DCLK1: variants seen among roughly 807,000 people sequenced by gnomAD.
The protein encoded by DCLK1 is serine/threonine-protein kinase DCLK1.
In DCLK1, 16 loss-of-function variants were observed where a neutral mutation model predicts 86.2. That is an observed-to-expected ratio of 0.19 (90% CI 0.13 to 0.28). The LOEUF (loss-of-function observed/expected upper bound fraction) is 0.28, where lower values mean the gene tolerates loss of function less well. Ranked by LOEUF, DCLK1 falls within the 10% of genes least tolerant of loss-of-function variation. The pLI is 1.00. For missense variants in DCLK1, 590 were observed against 940.2 expected (o/e 0.63, Z 4.87); for synonymous variants, 369 against 370.5 (o/e 1.00, Z 0.05).
At chr13:35,908,990 G>A (rs1192056819) in intron 4 of DCLK1, among the ~76,000 whole-genome samples, 1 of 152,166 alleles carries the variant, frequency 6.6e-6, no homozygotes, top group Non-Finnish European at 1.5e-5. Context: ...TTTTTAAAAA[G>A]ATGTATCTCT....
chr13:35,857,720 T>C (rs766284850), intron 5 of DCLK1, among the ~76,000 whole-genome samples: 21 of 152,252 alleles, frequency 1.4e-4, no homozygotes, highest in African/African-American at 2.6e-4. Flanking sequence ...ACAGTGAGAG[T>C]TGGCCTACGC....
chr13:35,812,444 G>A (rs531186870), intron 11 of DCLK1, among the ~76,000 whole-genome samples: 9 of 152,216 alleles, frequency 5.9e-5, no homozygotes, highest in Non-Finnish European at 1.3e-4. Flanking sequence ...TGCTGCAGTA[G>A]TTTGAATCTT....
At chr13:35,977,403 A>G (rs971381184) in intron 3 of DCLK1, among the ~76,000 whole-genome samples, 5 of 152,204 alleles carry the variant, frequency 3.3e-5, no homozygotes, top group Admixed American at 3.3e-4. Context: ...CCTGAGGGCA[A>G]GCAAAGGATT....
chr13:35,818,242 C>T (rs553757661), intron 11 of DCLK1, among the ~76,000 whole-genome samples: 10 of 152,262 alleles, frequency 6.6e-5, no homozygotes, highest in African/African-American at 2.2e-4. Context: ...GCTATCCTAT[C>T]ACCAAATGGA....
chr13:35,921,614 G>C (rs1412122260), intron 4 of DCLK1, among the ~76,000 whole-genome samples: 1 of 152,154 alleles, frequency 6.6e-6, no homozygotes, highest in Non-Finnish European at 1.5e-5. Context: ...GGTTCCATGA[G>C]GCAAAGACCA....
intron 3 of DCLK1, among the ~76,000 whole-genome samples, chr13:35,990,456 C>A (rs1327055882): frequency 6.6e-6 from 1 of 152,022 alleles, no homozygotes. Flanking sequence ...TGAGTTCTCA[C>A]TGTCTCTCTG....
intron 3 of DCLK1, among the ~76,000 whole-genome samples, chr13:36,097,518 G>A (rs1352627374): frequency 2.6e-5 from 4 of 151,294 alleles, no homozygotes; most frequent in Non-Finnish European, 4.4e-5. Flanking sequence ...TCCACTATTG[G>A]GAATATAAAT....
At chr13:35,967,679 C>G (rs1212035087) in intron 3 of DCLK1, among the ~76,000 whole-genome samples, 2 of 152,122 alleles carry the variant, frequency 1.3e-5, no homozygotes, top group Admixed American at 1.3e-4. Flanking sequence ...CCCAGGGACA[C>G]AAACACTGCG....
chr13:36,060,737 C>G, intron 3 of DCLK1, among the ~76,000 whole-genome samples: 1 of 152,100 alleles, frequency 6.6e-6, no homozygotes, highest in East Asian at 1.9e-4. Context: ...AAAACTTTCT[C>G]TCAAAAAATT....
chr13:35,869,376 G>GA (rs1872102520), intron 5 of DCLK1, among the ~76,000 whole-genome samples: 1 of 152,190 alleles, frequency 6.6e-6, no homozygotes, highest in Admixed American at 6.5e-5. Flanking sequence ...TCTGAGGCCA[G>GA]GTCATTGCAA....
chr13:35,909,887 C>T (rs1874912156), intron 4 of DCLK1, among the ~76,000 whole-genome samples: 1 of 152,140 alleles, frequency 6.6e-6, no homozygotes, highest in South Asian at 2.1e-4. Context: ...CTTTGCCTCT[C>T]TCACCAAAAA....
intron 3 of DCLK1, among the ~76,000 whole-genome samples, chr13:36,005,229 T>C (rs1474648182): frequency 6.6e-6 from 1 of 152,228 alleles, no homozygotes; most frequent in East Asian, 1.9e-4. Flanking sequence ...TAGATTATAA[T>C]TTAAAAGTGC....
chr13:36,062,156 T>C (rs1000275430), intron 3 of DCLK1, among the ~76,000 whole-genome samples: 2 of 152,222 alleles, frequency 1.3e-5, no homozygotes, highest in African/African-American at 4.8e-5. Flanking sequence ...CAGGAACACC[T>C]ACATTAATTT....
chr13:35,859,575 A>G (rs1478200099), intron 5 of DCLK1, among the ~76,000 whole-genome samples: 1 of 152,160 alleles, frequency 6.6e-6, no homozygotes, highest in African/African-American at 2.4e-5. Context: ...ATCCAACAGC[A>G]TATACCGGTC....
chr13:35,894,596 G>C (rs1251179958), intron 4 of DCLK1, among the ~76,000 whole-genome samples: 2 of 152,236 alleles, frequency 1.3e-5, no homozygotes, highest in Non-Finnish European at 2.9e-5. Context: ...GCAGCATGTG[G>C]AAAGACACAA....
Position 35,805,879 on chromosome 13 carries a change from TA to T in DCLK1, c.1864-101del, listed in dbSNP as rs560770906. On this transcript the variant is annotated intron_variant, in intron 14 of 16. Coordinates refer to ENST00000360631, the MANE Select transcript of DCLK1 (RefSeq NM_001330071.2). Reference sequence around the variant, plus strand: ...CTCTTTTAGTTTCGAAAAGCATTTGTAAAAGCTCTAAATCTTAAATACATCA... The same window carrying T: ...CTCTTTTAGTTTCGAAAAGCATTTGTAAAGCTCTAAATCTTAAATACATCA... 778 of 1,034,868 alleles carry T rather than the reference TA, an allele frequency of 7.5e-4. 11 individuals are homozygous for T. In the South Asian group the frequency reaches 9.4e-3, roughly 12 times the overall value. 64.1% of individuals were successfully genotyped at this position (1,034,868 alleles called of 1,614,324 possible).
At chr13:35,941,271 C>A (rs943615138) in intron 4 of DCLK1, among the ~76,000 whole-genome samples, 1 of 152,068 alleles carries the variant, frequency 6.6e-6, no homozygotes, top group Non-Finnish European at 1.5e-5. Flanking sequence ...TTCTTATCAC[C>A]CAGAATTAGG....
intron 4 of DCLK1, among the ~76,000 whole-genome samples, chr13:35,937,092 C>T (rs930111965): frequency 6.7e-6 from 1 of 150,338 alleles, no homozygotes; most frequent in Non-Finnish European, 1.5e-5. Flanking sequence ...GCCTCAGCCT[C>T]CCAAGTAGCT....
chr13:36,074,450 G>A (rs1369643042), intron 3 of DCLK1, among the ~76,000 whole-genome samples: 1 of 103,494 alleles, frequency 9.7e-6, no homozygotes, highest in East Asian at 3.2e-4. Context: ...CAGCCTGGGC[G>A]ACAGCGAGAC....
Sources: gnomAD v4.1 joint callset for allele counts (sites outside exome capture counted in the v4.1 genomes callset) on GRCh38, gnomAD v4.1.1 for gene constraint, MANE v1.5 for transcripts, NCBI Gene and HGNC (gene_info 2026-07-23, HGNC 2026-07-21) for gene names.